The following SEC63 variants were observed in gnomAD, a reference collection of about 807,000 sequenced individuals.
The protein encoded by SEC63 is SEC63 protein translocation regulator.
SEC63 carries 56 observed loss-of-function variants against 116.2 expected under a neutral mutation model. The observed-to-expected ratio is 0.48, with a 90% CI of 0.39 to 0.60. The LOEUF (loss-of-function observed/expected upper bound fraction) is 0.60, where lower values mean the gene tolerates loss of function less well. Among genes scored for constraint, SEC63 ranks in the 20% least tolerant of loss-of-function variants. SEC63 has a pLI of 0.00. For synonymous variants in SEC63, 273 were observed against 294.6 expected, an observed-to-expected ratio of 0.93 and a Z score of 0.75; for missense variants, 668 against 900.0, an observed-to-expected ratio of 0.74 and a Z score of 3.30.
intron 13 of SEC63, 71 bp downstream of exon 13, chr6:107,901,299 C>G: frequency 2.1e-6 from 3 of 1,436,182 alleles, no homozygotes; most frequent in Non-Finnish European, 2.9e-6. Context: ...TTTTGAGAAT[C>G]CTGAGTCAAA....
chr6:107,955,901 A>AATAT, intron 1 of SEC63: 1 of 249,756 alleles, frequency 4.0e-6, no homozygotes, highest in Non-Finnish European at 8.0e-6. Context: ...TAAATAAATA[A>AATAT]ATAAATAAAT....
chr6:107,939,323 A>G (rs985716090), intron 1 of SEC63, among the ~76,000 whole-genome samples: 3 of 152,236 alleles, frequency 2.0e-5, no homozygotes, highest in African/African-American at 7.2e-5. Context: ...GAAAACAAAA[A>G]GTACACTTCT....
At chr6:107,874,663 A>C (rs1786218059) in intron 19 of SEC63, among the ~76,000 whole-genome samples, 1 of 151,888 alleles carries the variant, frequency 6.6e-6, no homozygotes, top group Non-Finnish European at 1.5e-5. Context: ...TGACAACCAA[A>C]TACAATGTAA....
chr6:107,917,807 A>T (rs1423944538), intron 4 of SEC63, among the ~76,000 whole-genome samples: 1 of 152,222 alleles, frequency 6.6e-6, no homozygotes, highest in Non-Finnish European at 1.5e-5. Context: ...GTTGGTCCAC[A>T]AGATTTTCCA....
At chr6:107,940,371 T>C (rs1218769223) in intron 1 of SEC63, among the ~76,000 whole-genome samples, 1 of 152,220 alleles carries the variant, frequency 6.6e-6, no homozygotes, top group Non-Finnish European at 1.5e-5. Flanking sequence ...TTATCTCTTT[T>C]TCTTTTCCTT....
At chr6:107,921,560 T>A (rs1445318339) in intron 4 of SEC63, among the ~76,000 whole-genome samples, 1 of 151,138 alleles carries the variant, frequency 6.6e-6, no homozygotes, top group Non-Finnish European at 1.5e-5. Context: ...CAAACAACGC[T>A]CCCACCTCAG....
intron 1 of SEC63, among the ~76,000 whole-genome samples, chr6:107,955,024 A>C (rs1770683290): frequency 1.3e-5 from 2 of 152,240 alleles, no homozygotes; most frequent in Non-Finnish European, 2.9e-5. Context: ...AAACGGGCAA[A>C]CTGACACCCA....
In SEC63 at chr6:107,921,911, T is replaced by TGG. The variant is rs142388422; in HGVS notation, c.340-4_340-3dup. The TGG allele has an allele frequency of 3.0e-3, 3,767 of 1,248,490 alleles. 39 individuals carry two copies. Among genetic ancestry groups the TGG allele is most frequent in the Admixed American group, 5.9e-3 (287 of 48,938 alleles). 77.3% of individuals were successfully genotyped at this position (1,248,490 alleles called of 1,614,324 possible). On this transcript the variant is annotated splice_region_variant and splice_polypyrimidine_tract_variant and intron_variant, in intron 3 of 20. Coordinates refer to ENST00000369002, the MANE Select transcript of SEC63 (RefSeq NM_007214.5). ...TTTAATTTCTGCTACTGTGGCTCCC[T>TGG]GGGGAAAAACAAAAAAAAAAAACAA...
chr6:107,903,982 G>A (rs183613288), intron 11 of SEC63, among the ~76,000 whole-genome samples: 225 of 151,958 alleles, frequency 1.5e-3, no homozygotes, highest in African/African-American at 5.3e-3. Flanking sequence ...GCCGGGCGTG[G>A]TGGCATGCGC....
chr6:107,872,259 T>C (rs1178625568), intron 20 of SEC63, among the ~76,000 whole-genome samples: 1 of 152,162 alleles, frequency 6.6e-6, no homozygotes, highest in Non-Finnish European at 1.5e-5. Flanking sequence ...AAAAGAAATA[T>C]GGAACCCTCA....
chr6:107,952,981 AG>A (rs1770610863), intron 1 of SEC63, among the ~76,000 whole-genome samples: 2 of 152,150 alleles, frequency 1.3e-5, no homozygotes, highest in South Asian at 4.1e-4. Flanking sequence ...TGCTGTGGCC[AG>A]GGAACAGTGG....
At chr6:107,905,647 T>C (rs1414015881) in intron 10 of SEC63, among the ~76,000 whole-genome samples, 19 of 152,178 alleles carry the variant, frequency 1.2e-4, no homozygotes, top group Admixed American at 1.2e-3. Flanking sequence ...AAAACAGACA[T>C]TATTGGTAAC....
intron 18 of SEC63, chr6:107,877,327 T>C (rs1786303715): frequency 1.3e-5 from 2 of 152,190 alleles, no homozygotes; most frequent in Non-Finnish European, 2.9e-5. Flanking sequence ...CTCTAGGATG[T>C]TCTAAATATT....
At chr6:107,891,130 A>C (rs1364874896) in intron 16 of SEC63, among the ~76,000 whole-genome samples, 1 of 152,090 alleles carries the variant, frequency 6.6e-6, no homozygotes, top group African/African-American at 2.4e-5. Flanking sequence ...AGGTTGGGGA[A>C]GTTCTCCTGG....
chr6:107,896,975 C>T (rs1417442068), intron 14 of SEC63, among the ~76,000 whole-genome samples: 66 of 144,662 alleles, frequency 4.6e-4, no homozygotes, highest in African/African-American at 1.6e-3. Flanking sequence ...GGTGAAACTC[C>T]GTCAAAAAAG....
intron 20 of SEC63, 55 bp downstream of exon 20, chr6:107,872,753 T>G: frequency 9.8e-7 from 1 of 1,023,432 alleles, no homozygotes; most frequent in Non-Finnish European, 1.5e-6. Flanking sequence ...GTTTTCCTAG[T>G]ATATTAAACA....
intron 6 of SEC63, among the ~76,000 whole-genome samples, chr6:107,912,033 C>A (rs1475785108): frequency 6.6e-6 from 1 of 152,176 alleles, no homozygotes; most frequent in Non-Finnish European, 1.5e-5. Flanking sequence ...CAACTGTATA[C>A]CCCCTCAAGG....
chr6:107,895,850 G>C, intron 14 of SEC63, among the ~76,000 whole-genome samples: 2 of 104,560 alleles, frequency 1.9e-5, no homozygotes, highest in African/African-American at 4.1e-5. Flanking sequence ...ACAGAGACCC[G>C]CACCTCTATT....
intron 2 of SEC63, among the ~76,000 whole-genome samples, chr6:107,927,197 G>A (rs1380081439): frequency 1.3e-5 from 2 of 151,998 alleles, no homozygotes; most frequent in Non-Finnish European, 2.9e-5. Context: ...GGAGTAGCTG[G>A]GACCACAGGC....
Sources: allele counts gnomAD v4.1 joint callset (sites outside exome capture counted in the v4.1 genomes callset), GRCh38; gene constraint gnomAD v4.1.1; transcripts MANE v1.5; gene names NCBI Gene and HGNC (gene_info 2026-07-23, HGNC 2026-07-21).